Variants in MAP3K3 observed in about 807,000 individuals in gnomAD.
MAP3K3 encodes the protein MAP/ERK kinase kinase 3.
In MAP3K3, 12 loss-of-function variants were observed where a neutral mutation model predicts 80.9. The observed-to-expected ratio is 0.15, with a 90% CI of 0.10 to 0.24. The LOEUF (loss-of-function observed/expected upper bound fraction) is 0.24. MAP3K3 is among the 10% of genes least tolerant of loss of function. MAP3K3 has a pLI of 1.00. For missense variants in MAP3K3, 596 were observed against 834.7 expected (o/e 0.71, Z 3.52); for synonymous variants, 272 against 307.1 (o/e 0.89, Z 1.19).
intron 6 of MAP3K3, among the ~76,000 whole-genome samples, chr17:63,669,576 C>T (rs1330031054): frequency 6.6e-6 from 1 of 151,770 alleles, no homozygotes; most frequent in African/African-American, 2.4e-5. Context: ...TCAAGCAATT[C>T]TTCTGCCTCA....
rs923070298 is a variant in MAP3K3 at position 63,642,862 on chromosome 17, A to G, written c.127-3172A>G. 8.6e-5 allele frequency among the ~76,000 whole-genome samples: 13 copies of G among 151,998 alleles called. No homozygotes were observed. The East Asian group carries it at 1.4e-3, about 16-fold the overall frequency. ...ACCTCAAGCCCCCCGGGCTCAAGCAATCCTCTTGCCTCAGCTTTCCAAGTA... is the reference window on the plus strand; with the variant it reads ...ACCTCAAGCCCCCCGGGCTCAAGCAGTCCTCTTGCCTCAGCTTTCCAAGTA... On this transcript the variant is annotated intron_variant, in intron 2 of 15. Coordinates refer to ENST00000361733, the MANE Select transcript of MAP3K3 (RefSeq NM_002401.5).
chr17:63,626,065 G>T (rs2034095360), intron 1 of MAP3K3, among the ~76,000 whole-genome samples: 1 of 152,088 alleles, frequency 6.6e-6, no homozygotes, highest in Non-Finnish European at 1.5e-5. Flanking sequence ...AAGAGTGAGA[G>T]ACCCTGTCTC....
chr17:63,672,875 G>A (rs1326738721), intron 6 of MAP3K3: 5 of 152,222 alleles, frequency 3.3e-5, no homozygotes, highest in Admixed American at 6.5e-5. Flanking sequence ...TGCTGGTACA[G>A]ACAAGACTTT....
At position 63,694,144 on chromosome 17, in the gene MAP3K3, A is replaced by G. The variant is rs1392739483; in HGVS notation, c.*367A>G. 4.9e-6 allele frequency: 1 copy of G among 203,386 alleles called. No homozygotes were observed. The highest frequency in any genetic ancestry group is 9.9e-6 in the Non-Finnish European group (1 of 101,160). The allele number at this position is 203,386 out of a possible 1,614,324, so 12.6% of individuals were successfully genotyped here. A position where few individuals can be genotyped will look rare whatever the true frequency, so the allele number is the denominator to read the frequency against. ...GGGGGCACAAGACTGACGCCAGGGT[A>G]TGAAGAGTGTTATTTTCATTCAAAG... On this transcript the variant is annotated 3_prime_UTR_variant, in exon 16 of 16. Coordinates refer to ENST00000361733, the MANE Select transcript of MAP3K3 (RefSeq NM_002401.5).
Position 63,626,052 on chromosome 17 carries a change from A to C in MAP3K3, c.4+3289A>C, listed in dbSNP as rs150237677. 1.9e-3 allele frequency among the ~76,000 whole-genome samples: 295 copies of C among 152,318 alleles called. 3 individuals carry two copies. Among genetic ancestry groups the C allele is most frequent in the Non-Finnish European group, 1.1e-3 (78 of 68,034 alleles). On this transcript the variant is annotated intron_variant, in intron 1 of 15. Coordinates refer to ENST00000361733, the MANE Select transcript of MAP3K3 (RefSeq NM_002401.5). ...CGTGTCACTGCACTCCAGCCCAGGC[A>C]ACAAGAGTGAGAGACCCTGTCTCTA...
chr17:63,689,590 C>A lies in MAP3K3; in HGVS notation c.918C>A (p.Phe306Leu). The A allele has an allele frequency of 6.2e-7, 1 of 1,613,860 alleles. No individual in the cohort carries two copies. The highest frequency in any genetic ancestry group is 1.1e-5 in the South Asian group (1 of 91,018). Residue 306 changes from phenylalanine (F) to leucine (L), a missense_variant, in exon 11 of 16, where the codon TTC (phenylalanine) becomes TTA (leucine). By Grantham distance (22) the Phe-to-Leu change is conservative. Coordinates refer to ENST00000361733, the MANE Select transcript of MAP3K3 (RefSeq NM_002401.5). This position sits in a 1 kb window ranked among gnomAD's most constrained non-coding sequence, Gnocchi z 4.3. Reference sequence around the variant, plus strand: ...TACGGCGTCATCAAGGCAACTTGTTCACCCTGGTGCCCTCCAGCCGCTCCC... The same window carrying A: ...TACGGCGTCATCAAGGCAACTTGTTAACCCTGGTGCCCTCCAGCCGCTCCC... ...PRIRRHQGNLFTLVPSSRSLS... is the reference protein window; with the variant it reads ...PRIRRHQGNLLTLVPSSRSLS...
At chr17:63,659,908 A>C (rs1419264640) in intron 5 of MAP3K3, among the ~76,000 whole-genome samples, 1 of 152,140 alleles carries the variant, frequency 6.6e-6, no homozygotes, top group African/African-American at 2.4e-5. Context: ...ATAAGGCTAC[A>C]GTTTTCATTA....
intron 4 of MAP3K3, among the ~76,000 whole-genome samples, chr17:63,654,454 A>T (rs975260560): frequency 6.6e-6 from 1 of 152,108 alleles, no homozygotes; most frequent in Non-Finnish European, 1.5e-5. Context: ...CATTTTGTGT[A>T]TCTGTTCATC....
At chr17:63,655,076 A>G (rs1176916089) in intron 4 of MAP3K3, among the ~76,000 whole-genome samples, 1 of 152,184 alleles carries the variant, frequency 6.6e-6, no homozygotes, top group Non-Finnish European at 1.5e-5. Context: ...TAAACAAATA[A>G]AGGAAAGAGG....
Position 63,689,223 on chromosome 17 carries a change from T to C in MAP3K3, c.872-321T>C. On this transcript the variant is annotated intron_variant, in intron 10 of 15. Coordinates refer to ENST00000361733, the MANE Select transcript of MAP3K3 (RefSeq NM_002401.5). This position sits in a 1 kb window ranked among gnomAD's most constrained non-coding sequence, Gnocchi z 4.3. ...ATACAAGGAAATCAGTGCCTTCGGG[T>C]GTGGCTTGGCCTTGCAAGCAATTGG... is the stretch of plus-strand genomic sequence containing the variant. 1.9e-6 allele frequency: 1 copy of C among 525,952 alleles called. No individual in the cohort carries two copies. Among genetic ancestry groups the C allele is most frequent in the South Asian group, 2.3e-5 (1 of 42,992 alleles). The allele number at this position is 525,952 out of a possible 1,614,324, so 32.6% of individuals were successfully genotyped here.
intron 2 of MAP3K3, among the ~76,000 whole-genome samples, chr17:63,639,576 A>T (rs1241338040): frequency 6.6e-6 from 1 of 152,182 alleles, no homozygotes; most frequent in East Asian, 1.9e-4. Context: ...CTGTAGAGGA[A>T]CGCAGAGTGG....
intron 4 of MAP3K3, among the ~76,000 whole-genome samples, chr17:63,652,941 G>C (rs1040347926): frequency 3.9e-5 from 6 of 152,076 alleles, no homozygotes; most frequent in African/African-American, 1.4e-4. Flanking sequence ...GGCTTATACT[G>C]TCTCCTTTAC....
At chr17:63,642,104 A>G (rs1258161659) in intron 2 of MAP3K3, among the ~76,000 whole-genome samples, 1 of 152,158 alleles carries the variant, frequency 6.6e-6, no homozygotes, top group African/African-American at 2.4e-5. Context: ...GACTCAGAAG[A>G]TTTGGGCATA....
Position 63,656,133 on chromosome 17 carries a change from G to A in MAP3K3, c.268-1661G>A, listed in dbSNP as rs2034762188. On this transcript the variant is annotated intron_variant, in intron 4 of 15. Transcript: ENST00000361733. ...TAATCCCAGCTACTTGAGAGGCTGA[G>A]GCAGGAGGATCACTTTAGCCCAGGA... Among the ~76,000 whole-genome samples the A allele has an allele frequency of 3.9e-5, 6 of 152,114 alleles. 1 individual carries two copies. The South Asian group carries it at 1.2e-3, about 31-fold the overall frequency.
intron 2 of MAP3K3, among the ~76,000 whole-genome samples, chr17:63,644,155 T>C (rs1247848338): frequency 6.6e-6 from 1 of 152,178 alleles, no homozygotes; most frequent in African/African-American, 2.4e-5. Flanking sequence ...TTAGCTATTA[T>C]CATTATTATT....
rs549165933 is a variant in MAP3K3 at position 63,638,726 on chromosome 17, A to G, written c.126+5924A>G. Among the ~76,000 whole-genome samples, 6 of 152,310 alleles carry G rather than the reference A, an allele frequency of 3.9e-5. No homozygotes were observed. In the East Asian group the frequency reaches 7.7e-4, roughly 20 times the overall value. On this transcript the variant is annotated intron_variant, in intron 2 of 15. Coordinates refer to ENST00000361733, the MANE Select transcript of MAP3K3 (RefSeq NM_002401.5). ...CCTCCATTCAGTTTAACATGTGCCTATGGTCACGCTTCTCAGACACACAAA... is the reference window on the plus strand; with the variant it reads ...CCTCCATTCAGTTTAACATGTGCCTGTGGTCACGCTTCTCAGACACACAAA...
rs1324685371 is a variant in MAP3K3 at position 63,691,061 on chromosome 17, A to G, written c.1213-41A>G. 1.3e-6 allele frequency: 2 copies of G among 1,599,884 alleles called. No individual in the cohort carries two copies. The highest frequency in any genetic ancestry group is 1.7e-5 in the Admixed American group (1 of 59,860). On this transcript the variant is annotated intron_variant, in intron 12 of 15. Transcript: ENST00000361733. The surrounding 1 kb of genome is among the most constrained non-coding windows in gnomAD (Gnocchi z 4.8). ...GAGCTGAACCCAGGCGGGCAGAACTAGGGCCCTGAGAGCTGAGGCGACCAC... is the reference window on the plus strand; with the variant it reads ...GAGCTGAACCCAGGCGGGCAGAACTGGGGCCCTGAGAGCTGAGGCGACCAC...
intron 4 of MAP3K3, 89 bp from the exon 5 acceptor site, chr17:63,657,705 A>ATTTTTTTTTTT: frequency 3.4e-6 from 2 of 580,484 alleles, no homozygotes; most frequent in Non-Finnish European, 6.1e-6. Context: ...ATGTATTTTT[A>ATTTTTTTTTTT]TTTTTTGTTT....
rs1396011419 is a variant in MAP3K3 at position 63,694,964 on chromosome 17, G to C, written c.*1187G>C. ...GGAAACAGCATCTCCAAGCAGCTTAGAGTTGGCCATATTTACCTCAGCCTG... is the reference window on the plus strand; with the variant it reads ...GGAAACAGCATCTCCAAGCAGCTTACAGTTGGCCATATTTACCTCAGCCTG... On this transcript the variant is annotated 3_prime_UTR_variant, in exon 16 of 16. Coordinates refer to ENST00000361733, the MANE Select transcript of MAP3K3 (RefSeq NM_002401.5). The C allele has an allele frequency of 6.5e-6, 1 of 153,078 alleles. No homozygotes were observed. The highest frequency in any genetic ancestry group is 1.5e-5 in the Non-Finnish European group (1 of 68,428). The allele number at this position is 153,078 out of a possible 1,614,324, so 9.5% of individuals were successfully genotyped here. A position where few individuals can be genotyped will look rare whatever the true frequency, so the allele number is the denominator to read the frequency against.
Sources: gnomAD v4.1 joint callset for allele counts (sites outside exome capture counted in the v4.1 genomes callset) on GRCh38, gnomAD v4.1.1 for gene constraint, Gnocchi (gnomAD v3.1) non-coding constraint, MANE v1.5 for transcripts, NCBI Gene and HGNC (gene_info 2026-07-23, HGNC 2026-07-21) for gene names.